The following GRID2 variants were observed in gnomAD, a reference collection of about 807,000 sequenced individuals.
GRID2 encodes glutamate ionotropic receptor delta type subunit 2, also known as glutamate receptor ionotropic, delta-2.
In GRID2, 33 loss-of-function variants were observed where a neutral mutation model predicts 114.8. That is an observed-to-expected ratio of 0.29 (90% CI 0.22 to 0.38). The LOEUF (loss-of-function observed/expected upper bound fraction) is 0.38. Among genes scored for constraint, GRID2 ranks in the 10% least tolerant of loss-of-function variants. The probability of loss-of-function intolerance (pLI) is 1.00; values close to 1 mark genes in which losing one functional copy is unlikely to be tolerated. For missense variants in GRID2, 1,184 were observed against 1,257.7 expected (o/e 0.94, Z 0.89); for synonymous variants, 505 against 449.9 (o/e 1.12, Z -1.55).
chr4:92,610,092 T>C (rs181758887), intron 2 of GRID2, among the ~76,000 whole-genome samples: 1 of 151,798 alleles, frequency 6.6e-6, no homozygotes, highest in Admixed American at 6.6e-5. Context: ...CTTTCCTTGA[T>C]CCTATACAGA....
chr4:93,078,221 T>A (rs1405849173), intron 2 of GRID2, among the ~76,000 whole-genome samples: 1 of 152,144 alleles, frequency 6.6e-6, no homozygotes, highest in African/African-American at 2.4e-5. Flanking sequence ...CAAGGTAACC[T>A]CCATCCACTT....
At chr4:92,984,623 A>G (rs1164974160) in intron 2 of GRID2, among the ~76,000 whole-genome samples, 1 of 152,186 alleles carries the variant, frequency 6.6e-6, no homozygotes, top group Non-Finnish European at 1.5e-5. Flanking sequence ...CGAGTAAGGA[A>G]TCCATGGCCA....
chr4:92,414,239 G>A (rs919758200), intron 1 of GRID2, among the ~76,000 whole-genome samples: 1 of 152,130 alleles, frequency 6.6e-6, no homozygotes, highest in Non-Finnish European at 1.5e-5. Context: ...TTCTCTTACA[G>A]TGAGAAGAGA....
chr4:93,759,627 A>G (rs550356819), intron 14 of GRID2, among the ~76,000 whole-genome samples: 66 of 152,324 alleles, frequency 4.3e-4, no homozygotes, highest in African/African-American at 1.6e-3. Flanking sequence ...GTTCCAGAAC[A>G]CCACTTCCTT....
intron 13 of GRID2, among the ~76,000 whole-genome samples, chr4:93,587,113 T>C (rs1319530352): frequency 6.6e-6 from 1 of 152,102 alleles, no homozygotes; most frequent in Non-Finnish European, 1.5e-5. Flanking sequence ...ATCATTTCTC[T>C]TTATTCCCTC....
chr4:93,801,033 C>T (rs530119744), intron 1 of GRID2, among the ~76,000 whole-genome samples: 2 of 152,206 alleles, frequency 1.3e-5, no homozygotes, highest in South Asian at 2.1e-4. Flanking sequence ...TGAAAATAAT[C>T]GTTTGTTGGT....
intron 15 of GRID2, among the ~76,000 whole-genome samples, chr4:93,770,180 ATTAAT>A (rs1733997097): frequency 6.6e-6 from 1 of 152,224 alleles, no homozygotes; most frequent in Admixed American, 6.5e-5. Flanking sequence ...CTAAATCTTG[ATTAAT>A]TTATCTTATT....
chr4:92,947,407 T>C (rs1167710640), intron 2 of GRID2, among the ~76,000 whole-genome samples: 3 of 151,962 alleles, frequency 2.0e-5, no homozygotes, highest in South Asian at 2.1e-4. Context: ...GTATGTATCA[T>C]TGGCTGAAAT....
intron 2 of GRID2, among the ~76,000 whole-genome samples, chr4:93,033,965 A>C (rs1043804488): frequency 7.9e-5 from 12 of 152,200 alleles, no homozygotes; most frequent in African/African-American, 2.9e-4. Flanking sequence ...TGTTGTGATT[A>C]GTAGGTAATC....
At chr4:92,324,829 A>C (rs1474539612) in intron 1 of GRID2, among the ~76,000 whole-genome samples, 1 of 151,970 alleles carries the variant, frequency 6.6e-6, no homozygotes. Context: ...GTTTGTAATT[A>C]TGTTAAAAAG....
chr4:93,506,335 A>G (rs1356935021), intron 12 of GRID2, among the ~76,000 whole-genome samples: 1 of 152,166 alleles, frequency 6.6e-6, no homozygotes, highest in African/African-American at 2.4e-5. Flanking sequence ...ACACTTTGTA[A>G]TCTAATCTAC....
intron 1 of GRID2, among the ~76,000 whole-genome samples, chr4:92,390,334 ATAAG>A (rs373616489): frequency 1.4e-3 from 218 of 152,300 alleles, no homozygotes; most frequent in African/African-American, 5.0e-3. Flanking sequence ...CATTCAGCAA[ATAAG>A]TGTCAGATCT....
At chr4:93,514,128 G>C (rs1348314396) in intron 12 of GRID2, among the ~76,000 whole-genome samples, 1 of 152,132 alleles carries the variant, frequency 6.6e-6, no homozygotes, top group Non-Finnish European at 1.5e-5. Context: ...CAAAGGCACA[G>C]TATTTGTTCT....
chr4:93,455,751 G>A lies in GRID2; in HGVS notation c.1635G>A (p.Val545=). 6.2e-7 allele frequency: 1 copy of A among 1,610,924 alleles called. No homozygotes were observed. The highest frequency in any genetic ancestry group is 1.1e-5 in the South Asian group (1 of 91,016). The change falls in exon 11 of 16, where the codon GTG becomes GTA. Residue 545 remains valine, a synonymous_variant. Coordinates refer to ENST00000282020, the MANE Select transcript of GRID2 (RefSeq NM_001510.4). ...DFTTRYMDYS[V]GVLLRRAEKT... is the part of the protein sequence containing the mutation. ...CGACACGTTACATGGACTACTCAGT[G>A]GGGGTACTACTTCGAAGGGCTGAAA...
At chr4:93,333,594 G>C (rs1427761758) in intron 8 of GRID2, among the ~76,000 whole-genome samples, 2 of 152,126 alleles carry the variant, frequency 1.3e-5, no homozygotes, top group Non-Finnish European at 2.9e-5. Context: ...CCTTTGTAAA[G>C]ACAATACTTA....
chr4:92,454,000 A>G lies in GRID2; in HGVS notation c.89-136131A>G, dbSNP rs551985396. ...ACCACAGCATGCACACTTTGGCCAC[A>G]GCCAAAACATAATTAGATTTCTCCA... On this transcript the variant is annotated intron_variant, in intron 1 of 15. Coordinates refer to ENST00000282020, the MANE Select transcript of GRID2 (RefSeq NM_001510.4). 8.5e-5 allele frequency among the ~76,000 whole-genome samples: 13 copies of G among 152,294 alleles called. No homozygotes were observed. The South Asian group carries it at 2.5e-3, about 29-fold the overall frequency.
intron 14 of GRID2, among the ~76,000 whole-genome samples, chr4:93,741,736 T>C (rs1578711533): frequency 6.6e-6 from 1 of 152,136 alleles, no homozygotes; most frequent in Non-Finnish European, 1.5e-5. Context: ...CCAGCCTGGC[T>C]AACATGGTGA....
At chr4:92,842,387 T>A (rs1742974909) in intron 2 of GRID2, among the ~76,000 whole-genome samples, 1 of 152,286 alleles carries the variant, frequency 6.6e-6, no homozygotes, top group South Asian at 2.1e-4. Flanking sequence ...GTGGTAGTTA[T>A]TTACATCATT....
At chr4:93,355,287 T>C (rs916568936) in intron 8 of GRID2, among the ~76,000 whole-genome samples, 3 of 151,998 alleles carry the variant, frequency 2.0e-5, no homozygotes, top group African/African-American at 7.2e-5. Flanking sequence ...TCCACTCCAT[T>C]TGATGTCTGC....
Sources: gnomAD v4.1 joint callset for allele counts (sites outside exome capture counted in the v4.1 genomes callset) on GRCh38, gnomAD v4.1.1 for gene constraint, MANE v1.5 for transcripts, NCBI Gene and HGNC (gene_info 2026-07-23, HGNC 2026-07-21) for gene names.